Variants in PLAAT3 observed in about 807,000 individuals in gnomAD.
PLAAT3 encodes the protein Ca-independent phospholipase A1/2.
In PLAAT3, 21 loss-of-function variants were observed where a neutral mutation model predicts 16.7. The observed-to-expected ratio is 1.26, with a 90% confidence interval of 0.89 to 1.81. The LOEUF (loss-of-function observed/expected upper bound fraction) is 1.81, where lower values mean the gene tolerates loss of function less well. PLAAT3 is among the 40% of genes most tolerant of loss of function. The probability of loss-of-function intolerance (pLI) is 0.00; values close to 1 mark genes in which losing one functional copy is unlikely to be tolerated. For missense variants in PLAAT3, 219 were observed against 213.7 expected (o/e 1.02, Z -0.16); for synonymous variants, 76 against 81.7 (o/e 0.93, Z 0.38).
At chr11:63,608,946 T>A (rs1159960073) in intron 2 of PLAAT3, among the ~76,000 whole-genome samples, 1 of 152,204 alleles carries the variant, frequency 6.6e-6, no homozygotes, top group Non-Finnish European at 1.5e-5. Context: ...GGGATTATCC[T>A]GAGGATGAAC....
chr11:63,594,316 T>C lies in PLAAT3; in HGVS notation c.118+3745A>G, dbSNP rs140734172. ...AGGAGATATTGACAAATAGAAGGTA[T>C]TGGAAGCTAAGGAATCCAATGAGGT... is the stretch of plus-strand genomic sequence containing the variant. On this transcript the variant is annotated intron_variant, in intron 3 of 4. Transcript: ENST00000415826. 2.4e-3 allele frequency among the ~76,000 whole-genome samples: 366 copies of C among 152,104 alleles called. 2 individuals are homozygous for C. The highest frequency in any genetic ancestry group is 6.8e-3 in the Middle Eastern group (2 of 294).
chr11:63,597,139 A>G (rs116074793), intron 3 of PLAAT3, among the ~76,000 whole-genome samples: 2,498 of 151,860 alleles, frequency 0.016, 67 homozygotes, highest in African/African-American at 0.057. Context: ...CTGCCACCAT[A>G]TAAGACCTGC....
At chr11:63,579,261 T>C (rs1937718976) in intron 4 of PLAAT3, among the ~76,000 whole-genome samples, 1 of 152,180 alleles carries the variant, frequency 6.6e-6, no homozygotes, top group African/African-American at 2.4e-5. Flanking sequence ...AGGAACACTT[T>C]TACACTGTTG....
At chr11:63,588,589 A>G (rs570492091) in intron 4 of PLAAT3, among the ~76,000 whole-genome samples, 2 of 152,300 alleles carry the variant, frequency 1.3e-5, no homozygotes, top group East Asian at 1.9e-4. Flanking sequence ...CTCTCAGGGA[A>G]GTTGAAGCCA....
At chr11:63,615,056 A>ATATATG (rs1565259551), upstream of PLAAT3, among the ~76,000 whole-genome samples, 5 of 27,862 alleles carry the variant, frequency 1.8e-4, no homozygotes, top group Non-Finnish European at 4.0e-4. Flanking sequence ...ATATATGTGT[A>ATATATG]TATATATGTG....
At chr11:63,579,288 G>T (rs894669866) in intron 4 of PLAAT3, among the ~76,000 whole-genome samples, 1 of 152,212 alleles carries the variant, frequency 6.6e-6, no homozygotes, top group African/African-American at 2.4e-5. Flanking sequence ...CTGTAAACCA[G>T]TTCAACCATT....
At chr11:63,581,318 A>C (rs1436152673) in intron 4 of PLAAT3, among the ~76,000 whole-genome samples, 1 of 152,174 alleles carries the variant, frequency 6.6e-6, no homozygotes, top group East Asian at 1.9e-4. Flanking sequence ...TGAGTAGGAG[A>C]AATATCGCTG....
intron 4 of PLAAT3, among the ~76,000 whole-genome samples, chr11:63,579,544 T>TA (rs1402418627): frequency 2.0e-5 from 3 of 151,738 alleles, no homozygotes; most frequent in African/African-American, 2.4e-5. Flanking sequence ...TATGCAGCCA[T>TA]AAAAAATGAT....
At chr11:63,608,816 C>T (rs190062630) in intron 2 of PLAAT3, among the ~76,000 whole-genome samples, 1 of 152,294 alleles carries the variant, frequency 6.6e-6, no homozygotes, top group African/African-American at 2.4e-5. Context: ...CTTGGGGGCC[C>T]TGTGTTCAAA....
At chr11:63,590,427 A>G (rs1342757371) in intron 3 of PLAAT3, 59 bp from the exon 4 acceptor site, 12 of 1,526,436 alleles carry the variant, frequency 7.9e-6, no homozygotes, top group African/African-American at 4.1e-5. Flanking sequence ...ACGGAGGCTC[A>G]GAGCTGGCCC....
chr11:63,601,980 CAA>C (rs71468636), intron 2 of PLAAT3, among the ~76,000 whole-genome samples: 1 of 99,410 alleles, frequency 1.0e-5, no homozygotes, highest in African/African-American at 4.0e-5. Context: ...AACTCTGTCT[CAA>C]AAAAAAAAAA....
intron 2 of PLAAT3, among the ~76,000 whole-genome samples, chr11:63,601,323 C>T (rs1363979391): frequency 6.7e-6 from 1 of 150,352 alleles, no homozygotes; most frequent in East Asian, 1.9e-4. Context: ...GAGTGAGACT[C>T]CATCTCAAAA....
chr11:63,583,719 G>A (rs1375272009), intron 4 of PLAAT3, among the ~76,000 whole-genome samples: 1 of 152,182 alleles, frequency 6.6e-6, no homozygotes, highest in Non-Finnish European at 1.5e-5. Flanking sequence ...TACCTGGTGT[G>A]TGTCACAGGT....
At chr11:63,597,783 A>C (rs184593932) in intron 3 of PLAAT3, among the ~76,000 whole-genome samples, 130 of 152,014 alleles carry the variant, frequency 8.6e-4, no homozygotes, top group African/African-American at 3.1e-3. Context: ...CCCACCACTC[A>C]CCTCCTGCTC....
chr11:63,579,513 C>T (rs953892216), intron 4 of PLAAT3, among the ~76,000 whole-genome samples: 65 of 151,880 alleles, frequency 4.3e-4, no homozygotes, highest in African/African-American at 1.5e-3. Flanking sequence ...GAAAATGTGG[C>T]ACATATACAC....
Position 63,577,663 on chromosome 11 carries a change from C to A in PLAAT3, c.388-2617G>T, listed in dbSNP as rs1488995149. Among the ~76,000 whole-genome samples, 4 of 152,280 alleles carry A rather than the reference C, an allele frequency of 2.6e-5. No individual in the cohort carries two copies. The East Asian group carries it at 7.7e-4, about 29-fold the overall frequency. The stretch of plus-strand genomic sequence containing the variant: ...CTAAGATCAAGTATAAAAATTACCA[C>A]TGGAGAATAAGACAGCATATTGCAT... On this transcript the variant is annotated intron_variant, in intron 4 of 4. Transcript: ENST00000415826.
intron 4 of PLAAT3, among the ~76,000 whole-genome samples, chr11:63,580,282 A>G (rs934943065): frequency 7.2e-5 from 11 of 152,250 alleles, no homozygotes; most frequent in African/African-American, 2.2e-4. Flanking sequence ...TCAGGAATCT[A>G]TAAATATATC....
At chr11:63,593,919 G>C (rs1199481232) in intron 3 of PLAAT3, among the ~76,000 whole-genome samples, 1 of 152,158 alleles carries the variant, frequency 6.6e-6, no homozygotes, top group East Asian at 1.9e-4. Flanking sequence ...ACCTGCCCAT[G>C]AATGAGGAAC....
chr11:63,596,211 GC>G (rs1324903060), intron 3 of PLAAT3, among the ~76,000 whole-genome samples: 2 of 121,248 alleles, frequency 1.6e-5, no homozygotes, highest in Non-Finnish European at 3.2e-5. Flanking sequence ...CTACACTCCA[GC>G]CTGGGCGACA....
Sources: allele counts gnomAD v4.1 joint callset (sites outside exome capture counted in the v4.1 genomes callset), GRCh38; gene constraint gnomAD v4.1.1; transcripts MANE v1.5; gene names NCBI Gene and HGNC (gene_info 2026-07-23, HGNC 2026-07-21).